The following MGAT4C variants were observed in gnomAD, a reference collection of about 807,000 sequenced individuals.
MGAT4C encodes alpha-1,3-mannosyl-glycoprotein 4-beta-N-acetylglucosaminyltransferase C.
Under a neutral mutation model 40.1 loss-of-function variants are expected in MGAT4C, and 19 were observed. The observed-to-expected ratio is 0.47, with a 90% CI of 0.33 to 0.70. The LOEUF (loss-of-function observed/expected upper bound fraction) is 0.70. MGAT4C is among the 30% of genes least tolerant of loss of function. The pLI is 0.02. For synonymous variants in MGAT4C, 181 were observed against 187.1 expected (o/e 0.97, Z 0.27); for missense variants, 491 against 563.2 (o/e 0.87, Z 1.30).
chr12:86,304,683 T>C (rs1019116011), intron 4 of MGAT4C, among the ~76,000 whole-genome samples: 4 of 150,834 alleles, frequency 2.7e-5, no homozygotes, highest in Middle Eastern at 3.4e-3. Flanking sequence ...AATAAGTTCT[T>C]TGTAGATTTT....
At chr12:86,151,293 C>T (rs940415565) in intron 1 of MGAT4C, among the ~76,000 whole-genome samples, 1 of 139,656 alleles carries the variant, frequency 7.2e-6, no homozygotes, top group Non-Finnish European at 1.6e-5. Context: ...GAAATCAGTG[C>T]CCCAGAACAC....
chr12:86,434,140 G>T (rs1429407427), intron 3 of MGAT4C, among the ~76,000 whole-genome samples: 2 of 151,952 alleles, frequency 1.3e-5, no homozygotes, highest in African/African-American at 4.8e-5. Flanking sequence ...TTAAATCATG[G>T]ATGTAACTGA....
chr12:86,315,724 A>C (rs1439236758), intron 4 of MGAT4C, among the ~76,000 whole-genome samples: 1 of 152,012 alleles, frequency 6.6e-6, no homozygotes, highest in African/African-American at 2.4e-5. Context: ...AAGAAAAAAG[A>C]AAAATAAAGA....
rs200501196 is a variant in MGAT4C at position 86,701,522 on chromosome 12, C to T, written c.-229+25687G>A. 3.3e-5 allele frequency among the ~76,000 whole-genome samples: 5 copies of T among 152,190 alleles called. No individual in the cohort carries two copies. In the East Asian group the frequency reaches 7.7e-4, roughly 24 times the overall value. ...ACTTTATTAATATTTGTTCTCACTG[C>T]TCCATCAACCAGCTGTTTCCCAATC... On this transcript the variant is annotated intron_variant, in intron 2 of 7. Coordinates refer to the MGAT4C transcript ENST00000548651.
In MGAT4C at chr12:86,730,075, T is replaced by A. The variant is rs576054919; in HGVS notation, c.-261-2834A>T. Among the ~76,000 whole-genome samples, 9 of 152,182 alleles carry A rather than the reference T, an allele frequency of 5.9e-5. 1 individual carries two copies. The East Asian group carries it at 1.7e-3, about 29-fold the overall frequency. Reference sequence around the variant, plus strand: ...TTGCAAATTGACATTACAGCATAGATTTTTCATCTTGACAGCTTATCGTAG... The same window carrying A: ...TTGCAAATTGACATTACAGCATAGAATTTTCATCTTGACAGCTTATCGTAG... On this transcript the variant is annotated intron_variant, in intron 1 of 7. Transcript: ENST00000548651.
At chr12:86,177,749 G>A (rs968163252) in intron 1 of MGAT4C, among the ~76,000 whole-genome samples, 8 of 151,958 alleles carry the variant, frequency 5.3e-5, no homozygotes, top group African/African-American at 1.9e-4. Flanking sequence ...ATATATTTTC[G>A]ATTATATCCC....
intron 2 of MGAT4C, among the ~76,000 whole-genome samples, chr12:86,011,138 T>C (rs2136819340): frequency 6.6e-6 from 1 of 152,302 alleles, no homozygotes; most frequent in East Asian, 1.9e-4. Context: ...ATGAGCAACT[T>C]TCTAAATCAG....
chr12:86,701,142 T>C (rs1021168495), intron 2 of MGAT4C, among the ~76,000 whole-genome samples: 2 of 152,162 alleles, frequency 1.3e-5, no homozygotes, highest in African/African-American at 4.8e-5. Context: ...AAATACAAAA[T>C]TGATACATTC....
intron 3 of MGAT4C, among the ~76,000 whole-genome samples, chr12:86,357,102 G>T (rs561857034): frequency 7.0e-4 from 107 of 152,272 alleles, no homozygotes; most frequent in African/African-American, 2.5e-3. Context: ...TCATATGGCT[G>T]GGTGCCCCTC....
intron 1 of MGAT4C, among the ~76,000 whole-genome samples, chr12:86,162,820 T>C (rs779887480): frequency 1.1e-4 from 17 of 152,334 alleles, no homozygotes; most frequent in South Asian, 2.1e-4. Context: ...TTAATGGTTT[T>C]ATCTACATCC....
intron 2 of MGAT4C, among the ~76,000 whole-genome samples, chr12:85,990,839 G>A (rs1018061745): frequency 2.0e-5 from 3 of 152,114 alleles, no homozygotes; most frequent in Non-Finnish European, 4.4e-5. Flanking sequence ...TGCACACATA[G>A]ATGCACATAA....
chr12:86,623,014 C>T (rs149763157), intron 2 of MGAT4C, among the ~76,000 whole-genome samples: 1 of 152,166 alleles, frequency 6.6e-6, no homozygotes, highest in East Asian at 1.9e-4. Flanking sequence ...ATAGGATTAA[C>T]AACAAATTAG....
chr12:86,339,289 C>A, intron 3 of MGAT4C, among the ~76,000 whole-genome samples: 1 of 152,106 alleles, frequency 6.6e-6, no homozygotes, highest in East Asian at 1.9e-4. Context: ...TAAGAGCAGG[C>A]AATGCTCATA....
chr12:86,802,620 A>G (rs528333081), intron 1 of MGAT4C, among the ~76,000 whole-genome samples: 2 of 151,616 alleles, frequency 1.3e-5, no homozygotes, highest in African/African-American at 2.4e-5. Flanking sequence ...TACACCAACA[A>G]CAGACAAACA....
At chr12:86,557,714 A>G (rs912521252) in intron 2 of MGAT4C, among the ~76,000 whole-genome samples, 25 of 152,214 alleles carry the variant, frequency 1.6e-4, no homozygotes, top group Non-Finnish European at 7.3e-5. Flanking sequence ...CTATAAATAT[A>G]TCTGTATGAA....
intron 2 of MGAT4C, among the ~76,000 whole-genome samples, chr12:86,446,596 AT>A (rs1221979370): frequency 7.0e-6 from 1 of 143,668 alleles, no homozygotes; most frequent in East Asian, 2.1e-4. Context: ...TATTTTCTAC[AT>A]TGTGTACTGT....
chr12:86,211,140 C>T (rs571166929), intron 1 of MGAT4C, among the ~76,000 whole-genome samples: 2 of 150,956 alleles, frequency 1.3e-5, no homozygotes, highest in East Asian at 4.0e-4. Context: ...TGGGTCTTTC[C>T]CTTTTAACTT....
At chr12:86,318,532 A>G (rs1190244043) in intron 4 of MGAT4C, among the ~76,000 whole-genome samples, 1 of 152,194 alleles carries the variant, frequency 6.6e-6, no homozygotes, top group East Asian at 1.9e-4. Flanking sequence ...CCACATAAAT[A>G]AAGTATACGG....
intron 2 of MGAT4C, among the ~76,000 whole-genome samples, chr12:86,019,782 A>G (rs564116114): frequency 3.3e-5 from 5 of 152,230 alleles, no homozygotes; most frequent in South Asian, 4.2e-4. Flanking sequence ...TACCTTGGGC[A>G]GTATGGCCAT....
Sources: allele counts gnomAD v4.1 joint callset (sites outside exome capture counted in the v4.1 genomes callset), GRCh38; gene constraint gnomAD v4.1.1; transcripts MANE v1.5; gene names NCBI Gene and HGNC (gene_info 2026-07-23, HGNC 2026-07-21).